GUCY2F: variants seen among roughly 807,000 people sequenced by gnomAD.
GUCY2F encodes retinal guanylyl cyclase 2.
A neutral mutation model predicts 73.1 loss-of-function variants in GUCY2F; 61 were observed. That is an observed-to-expected ratio of 0.83 (90% CI 0.68 to 1.03). The LOEUF (loss-of-function observed/expected upper bound fraction) is 1.03. Ranked by LOEUF, GUCY2F falls within the 50% of genes least tolerant of loss-of-function variation. The pLI, the probability that GUCY2F is intolerant of heterozygous loss-of-function variation, is 0.00. For missense variants in GUCY2F, 912 were observed against 854.3 expected, an observed-to-expected ratio of 1.07 and a Z score of -0.84; for synonymous variants, 331 against 307.8, an observed-to-expected ratio of 1.08 and a Z score of -0.79.
rs764046823 is a variant in GUCY2F at position 109,382,207 on chromosome X, G to A, written c.3061C>T (p.Arg1021Cys). The change falls in exon 17 of 20, where the codon CGC becomes TGC. Residue 1021 changes from arginine to cysteine, a missense_variant. Coordinates refer to ENST00000218006, the MANE Select transcript of GUCY2F (RefSeq NM_001522.3). ...ACAGTGCTGAGACTGACATGAATGC[G>A]ATAAGCTGCAAAAGAAGGAGAGACA... Reference protein sequence around the residue: ...SRMESTGLPYRIHVSLSTVTI... With the variant: ...SRMESTGLPYCIHVSLSTVTI... The A allele has an allele frequency of 6.1e-6, 7 of 1,143,762 alleles. No homozygotes were observed. The highest frequency in any genetic ancestry group is 2.4e-4 in the Middle Eastern group (1 of 4,189). 94.3% of individuals were successfully genotyped at this position (1,143,762 alleles called of 1,213,427 possible).
At position 109,475,640 on chromosome X, in the gene GUCY2F, A is replaced by G. The variant is rs1932675544; in HGVS notation, c.297T>C (p.Ile99=). 1.7e-6 allele frequency: 2 copies of G among 1,209,433 alleles called. No individual in the cohort carries two copies. The stretch of plus-strand genomic sequence containing the variant: ...TCGAAGTCTGGCAGTCTTCATTGAG[A>G]ATCACGTATTCAAAAGAATAACTCA... ...FDLSYSFEYV[I]LNEDCQTSRA... is the part of the protein sequence containing the mutation. The change falls in exon 2 of 20, where the codon ATT becomes ATC. Residue 99 remains isoleucine (I), a synonymous_variant. Coordinates refer to ENST00000218006, the MANE Select transcript of GUCY2F (RefSeq NM_001522.3).
chrX:109,424,769 C>A, intron 8 of GUCY2F, among the ~76,000 whole-genome samples: 1 of 101,252 alleles, frequency 9.9e-6, no homozygotes, highest in East Asian at 3.1e-4. Flanking sequence ...ACAGGGAACA[C>A]TTTTTTTTTT....
intron 3 of GUCY2F, among the ~76,000 whole-genome samples, chrX:109,462,837 C>G (rs1278786222): frequency 2.7e-5 from 3 of 111,531 alleles, no homozygotes; most frequent in African/African-American, 9.8e-5. Flanking sequence ...AAAAAGTTAC[C>G]ATCTTGTTGC....
At chrX:109,442,601 T>C (rs1431949895) in intron 6 of GUCY2F, among the ~76,000 whole-genome samples, 2 of 111,316 alleles carry the variant, frequency 1.8e-5, no homozygotes, top group Admixed American at 9.5e-5. Flanking sequence ...TACACCTTAG[T>C]AGTCTTTGAT....
At chrX:109,452,160 A>G in intron 4 of GUCY2F, 53 bp from the exon 5 acceptor site, 4 of 661,786 alleles carry the variant, frequency 6.0e-6, no homozygotes, top group Non-Finnish European at 1.0e-5. Context: ...AGAGGCAGTA[A>G]ATAAAGGGCA....
intron 2 of GUCY2F, among the ~76,000 whole-genome samples, chrX:109,472,268 G>GAA (rs780268734): frequency 0.053 from 4,770 of 89,926 alleles, 375 homozygotes; most frequent in African/African-American, 0.18. Context: ...AACAGATCAG[G>GAA]AAAAAAAAAA....
Position 109,414,362 on chromosome X carries a change from C to T in GUCY2F, c.1792-5194G>A, listed in dbSNP as rs1931189991. ...TTTATTTTTATTTTGTTGTAAAGAG[C>T]TATTGTTCAAGACCTCCTATCCCCG... is the stretch of plus-strand genomic sequence containing the variant. On this transcript the variant is annotated intron_variant, in intron 8 of 19. Coordinates refer to ENST00000218006, the MANE Select transcript of GUCY2F (RefSeq NM_001522.3). Among the ~76,000 whole-genome samples, 3 of 111,443 alleles carry T rather than the reference C, an allele frequency of 2.7e-5. No individual in the cohort carries two copies. In the South Asian group the frequency reaches 1.1e-3, roughly 43 times the overall value.
At chrX:109,445,487 G>C (rs1418074404) in intron 6 of GUCY2F, among the ~76,000 whole-genome samples, 1 of 111,929 alleles carries the variant, frequency 8.9e-6, no homozygotes, top group Non-Finnish European at 1.9e-5. Flanking sequence ...TGTAACATGA[G>C]CCATATATGT....
intron 6 of GUCY2F, among the ~76,000 whole-genome samples, chrX:109,445,463 C>T (rs1931979515): frequency 8.9e-6 from 1 of 112,092 alleles, no homozygotes; most frequent in Non-Finnish European, 1.9e-5. Flanking sequence ...TAAGGCTGCA[C>T]TATTTAATAA....
chrX:109,380,036 TAA>T (rs1299335860), intron 17 of GUCY2F, among the ~76,000 whole-genome samples: 17 of 112,318 alleles, frequency 1.5e-4, no homozygotes, highest in Admixed American at 4.7e-4. Flanking sequence ...GGAAATAACG[TAA>T]AGTGTCATCA....
At chrX:109,438,406 T>C (rs1316505649) in intron 7 of GUCY2F, among the ~76,000 whole-genome samples, 2 of 112,731 alleles carry the variant, frequency 1.8e-5, no homozygotes, top group Non-Finnish European at 3.7e-5. Context: ...CATCTTAATA[T>C]CATCACATCA....
intron 11 of GUCY2F, 30 bp from the exon 12 acceptor site, chrX:109,395,519 C>A: frequency 8.6e-7 from 1 of 1,159,552 alleles, no homozygotes; most frequent in Admixed American, 2.4e-5. Context: ...GAACCGTTTA[C>A]AAATCATGGA....
chrX:109,383,473 A>G, intron 16 of GUCY2F: 1 of 504,950 alleles, frequency 2.0e-6, no homozygotes, highest in Non-Finnish European at 2.4e-6. Flanking sequence ...TATTGATGAA[A>G]TAATTTTTTT....
At position 109,430,299 on chromosome X, in the gene GUCY2F, T is replaced by A. The variant is rs1470582596; in HGVS notation, c.1791+8A>T. The stretch of plus-strand genomic sequence containing the variant: ...GTGGGAATTTACATAAACGAAGATT[T>A]CTCATACCATTTCGAACACATCACT... On this transcript the variant is annotated splice_region_variant and intron_variant, in intron 8 of 19. Coordinates refer to ENST00000218006, the MANE Select transcript of GUCY2F (RefSeq NM_001522.3). 1.1e-6 allele frequency: 1 copy of A among 913,923 alleles called. No homozygotes were observed. Among genetic ancestry groups the A allele is most frequent in the South Asian group, 2.0e-5 (1 of 49,879 alleles). The allele number at this position is 913,923 out of a possible 1,213,427, so 75.3% of individuals were successfully genotyped here. A position where few individuals can be genotyped will look rare whatever the true frequency, so the allele number is the denominator to read the frequency against.
chrX:109,382,164 A>T lies in GUCY2F; in HGVS notation c.3104T>A (p.Leu1035Gln). 1 of 1,184,670 alleles carries T rather than the reference A, an allele frequency of 8.4e-7. No individual in the cohort carries two copies. Among genetic ancestry groups the T allele is most frequent in the Non-Finnish European group, 1.1e-6 (1 of 870,846 alleles). Residue 1035 changes from leucine (L) to glutamine (Q), a missense_variant, in exon 17 of 20, where the codon CTG becomes CAG. Coordinates refer to ENST00000218006, the MANE Select transcript of GUCY2F (RefSeq NM_001522.3). The part of the protein sequence containing the change: ...SLSTVTILQN[L>Q]SEGYEVELRG... Reference sequence around the variant, plus strand: ...AAGCTCCACTTCATAGCCCTCACTCAGATTTTGAAGAATTGTAACAGTGCT... The same window carrying T: ...AAGCTCCACTTCATAGCCCTCACTCTGATTTTGAAGAATTGTAACAGTGCT...
chrX:109,477,968 G>A (rs2054669593), intron 1 of GUCY2F, among the ~76,000 whole-genome samples: 1 of 111,887 alleles, frequency 8.9e-6, no homozygotes, highest in Admixed American at 9.5e-5. Flanking sequence ...GGAGCAAACA[G>A]TTCACAAAAC....
At chrX:109,436,120 C>T (rs1419278637) in intron 7 of GUCY2F, among the ~76,000 whole-genome samples, 1 of 111,342 alleles carries the variant, frequency 9.0e-6, no homozygotes, top group Admixed American at 9.5e-5. Context: ...AAAAAGTGGG[C>T]AAAGGATATG....
Position 109,392,012 on chromosome X carries a change from T to C in GUCY2F, c.2680A>G (p.Thr894Ala), listed in dbSNP as rs1569356518. Residue 894 changes from threonine (T) to alanine (A), a missense_variant, in exon 14 of 20, where the codon ACA (threonine) becomes GCA (alanine). Coordinates refer to ENST00000218006, the MANE Select transcript of GUCY2F (RefSeq NM_001522.3). The stretch of plus-strand genomic sequence containing the variant: ...GGCTCACTCATGGCTGAAATGGTTG[T>C]GAAGCCCACAATGTCGCTGAAGTAC... ...TLYFSDIVGF[T>A]TISAMSEPIE... 1.1e-5 allele frequency: 13 copies of C among 1,207,818 alleles called. No individual in the cohort carries two copies. Among genetic ancestry groups the C allele is most frequent in the Non-Finnish European group, 1.5e-5 (13 of 892,208 alleles).
chrX:109,384,258 T>C (rs1253146544), intron 16 of GUCY2F, among the ~76,000 whole-genome samples: 1 of 112,377 alleles, frequency 8.9e-6, no homozygotes, highest in Admixed American at 9.4e-5. Context: ...GTGCTGAAGC[T>C]TGGGAAGAAC....
Sources: gnomAD v4.1 joint callset for allele counts (sites outside exome capture counted in the v4.1 genomes callset) on GRCh38, gnomAD v4.1.1 for gene constraint, MANE v1.5 for transcripts, NCBI Gene and HGNC (gene_info 2026-07-23, HGNC 2026-07-21) for gene names.